The following DLX2 variants were observed in gnomAD, a reference collection of about 807,000 sequenced individuals.
DLX2 encodes homeobox protein DLX-2.
A neutral mutation model predicts 27.4 loss-of-function variants in DLX2; 8 were observed. The ratio of observed to expected loss-of-function variants is 0.29; its 90% CI spans 0.17 to 0.53. The LOEUF (loss-of-function observed/expected upper bound fraction) is 0.53, where lower values mean the gene tolerates loss of function less well. DLX2 is among the 20% of genes least tolerant of loss of function. The pLI is 0.96. For synonymous variants in DLX2, 210 were observed against 200.8 expected (o/e 1.05, Z -0.39); for missense variants, 421 against 450.9 (o/e 0.93, Z 0.60).
At chr2:172,101,746 G>A (rs1363630070) in intron 1 of DLX2, 100 bp from the exon 2 acceptor site, 11 of 1,317,278 alleles carry the variant, frequency 8.4e-6, no homozygotes, top group Non-Finnish European at 1.2e-5. Flanking sequence ...TGAGCAAAGA[G>A]GTGGGTGCAC....
chr2:172,101,229 A>G (rs1691151338), intron 2 of DLX2: 1 of 619,764 alleles, frequency 1.6e-6, no homozygotes, highest in African/African-American at 1.8e-5. Flanking sequence ...CTTAATCAGT[A>G]GCGAGAGGTA....
chr2:172,100,822 T>C lies in DLX2; in HGVS notation c.708A>G (p.Ser236=). 1 of 1,610,770 alleles carries C rather than the reference T, an allele frequency of 6.2e-7. No homozygotes were observed. The highest frequency in any genetic ancestry group is 8.5e-7 in the Non-Finnish European group (1 of 1,178,990). Reference sequence around the variant, plus strand: ...CACCAAAGTCCCAGGAGGCCGGCGCTGAGACTGGCGGCGAAGCACAAGGTG... The same window carrying C: ...CACCAAAGTCCCAGGAGGCCGGCGCCGAGACTGGCGGCGAAGCACAAGGTG... ...ASPPCASPPV[S]APASWDFGVP... is the part of the protein sequence containing the mutation. Residue 236 remains serine (S), a synonymous_variant, in exon 3 of 3, where the codon TCA becomes TCG. Transcript: ENST00000234198. The surrounding 1 kb of genome is among the most constrained non-coding windows in gnomAD (Gnocchi z 4.5).
rs1691132723 is a variant in DLX2, at chr2:172,100,552, C to T, written c.978G>A (p.Thr326=). ...GGGGAPVSAG[T]IF is the part of the protein sequence containing the mutation. ...CGAGTTCTCCCTGGGGTTAGAAAAT[C>T]GTCCCCGCGCTCACCGGGGCGCCCC... Residue 326 remains threonine (T), a synonymous_variant, in exon 3 of 3, where the codon ACG becomes ACA. Transcript: ENST00000234198. This position sits in a 1 kb window ranked among gnomAD's most constrained non-coding sequence, Gnocchi z 4.5. 3 of 1,573,384 alleles carry T rather than the reference C, an allele frequency of 1.9e-6. No individual in the cohort carries two copies. In the South Asian group the frequency reaches 3.5e-5, roughly 18 times the overall value.
chr2:172,100,512 G>A lies in DLX2; in HGVS notation c.*31C>T, dbSNP rs1303443094. On this transcript the variant is annotated 3_prime_UTR_variant, in exon 3 of 3. Coordinates refer to ENST00000234198, the MANE Select transcript of DLX2 (RefSeq NM_004405.4). The surrounding 1 kb of genome is among the most constrained non-coding windows in gnomAD (Gnocchi z 4.5). ...TAAGCAATGAGGATAAGTGGTCTCT[G>A]CTCTCAGTCTCTGGCGAGTTCTCCC... 2 of 1,528,262 alleles carry A rather than the reference G, an allele frequency of 1.3e-6. No individual in the cohort carries two copies. Among genetic ancestry groups the A allele is most frequent in the Admixed American group, 2.2e-5 (1 of 45,360 alleles). The allele number at this position is 1,528,262 out of a possible 1,614,324, so 94.7% of individuals were successfully genotyped here. A position where few individuals can be genotyped will look rare whatever the true frequency, so the allele number is the denominator to read the frequency against.
At position 172,102,704 on chromosome 2, in the gene DLX2, G is replaced by A; in HGVS notation, c.-166C>T. On this transcript the variant is annotated 5_prime_UTR_variant, in exon 1 of 3. Transcript: ENST00000234198. Reference sequence around the variant, plus strand: ...AGGCGCCTCCTCCTCCGGGGGAGGCGATCACCGTGCGCTGCTCGGGACAGC... The same window carrying A: ...AGGCGCCTCCTCCTCCGGGGGAGGCAATCACCGTGCGCTGCTCGGGACAGC... The A allele has an allele frequency of 1.5e-6, 1 of 658,894 alleles. No homozygotes were observed. The highest frequency in any genetic ancestry group is 2.5e-6 in the Non-Finnish European group (1 of 398,998). The allele number at this position is 658,894 out of a possible 1,614,324, so 40.8% of individuals were successfully genotyped here.
At chr2:172,101,067 G>A (rs975138259) in intron 2 of DLX2, 123 bp from the exon 3 acceptor site, 12 of 1,082,982 alleles carry the variant, frequency 1.1e-5, no homozygotes, top group Non-Finnish European at 1.6e-5. Flanking sequence ...GAGCGCCCTG[G>A]GGAGATAAGA....
Position 172,102,758 on chromosome 2 carries a change from C to T in DLX2, c.-220G>A, listed in dbSNP as rs1691189397. 8.1e-6 allele frequency: 3 copies of T among 370,308 alleles called. No individual in the cohort carries two copies. In the South Asian group the frequency reaches 1.1e-4, roughly 14 times the overall value. The allele number at this position is 370,308 out of a possible 1,614,324, so 22.9% of individuals were successfully genotyped here. On this transcript the variant is annotated 5_prime_UTR_variant, in exon 1 of 3. Transcript: ENST00000234198. ...CTCTGGTCGCATCCTCTTTCGGCCT[C>T]TGGGCCCGCTCGGCTCCTTGCCCAG...
In DLX2 at chr2:172,102,299, C is replaced by CCCGCCG. The variant is rs752884221; in HGVS notation, c.234_239dup (p.Gly80_Gly81dup). 5 of 1,609,026 alleles carry CCCGCCG rather than the reference C, an allele frequency of 3.1e-6. No homozygotes were observed. Among genetic ancestry groups the CCCGCCG allele is most frequent in the African/African-American group, 1.3e-5 (1 of 74,662 alleles). On this transcript the variant is annotated inframe_insertion, in exon 1 of 3. Transcript: ENST00000234198. ...AACCCATGTGCGCGTAGGGCGAGCC[C>CCCGCCG]CCGCCGCCGCCGCCGCCCGCCGGGT...
In DLX2 at chr2:172,100,676, T is replaced by A. The variant is rs1431814134; in HGVS notation, c.854A>T (p.Gln285Leu). The A allele has an allele frequency of 6.4e-7, 1 of 1,561,268 alleles. No homozygotes were observed. The change falls in exon 3 of 3, where the codon CAG (glutamine) becomes CTG (leucine). Residue 285 changes from glutamine to leucine, a missense_variant. Gln to Leu is a moderately radical substitution (Grantham distance 113). This residue lies in a region of DLX2 where 185 missense variants were observed against 171.1 expected (regional missense o/e 1.08). Coordinates refer to ENST00000234198, the MANE Select transcript of DLX2 (RefSeq NM_004405.4). This position sits in a 1 kb window ranked among gnomAD's most constrained non-coding sequence, Gnocchi z 4.5. Reference sequence around the variant, plus strand: ...CAGGTGTGAGGCGGATCCCGAGGTCTGGTGGTACCAGGGGTAGTTGCCCAG... The same window carrying A: ...CAGGTGTGAGGCGGATCCCGAGGTCAGGTGGTACCAGGGGTAGTTGCCCAG... Reference protein sequence around the residue: ...AFLGNYPWYHQTSGSASHLQA... With the variant: ...AFLGNYPWYHLTSGSASHLQA...
At position 172,100,405 on chromosome 2, in the gene DLX2, T is replaced by C. The variant is rs1691130637; in HGVS notation, c.*138A>G. ...GGTGGCCCCGGGAGTGAGCAGGGCC[T>C]GAGACGGGCCACTGCAGGTCGCAGC... On this transcript the variant is annotated 3_prime_UTR_variant, in exon 3 of 3. Coordinates refer to ENST00000234198, the MANE Select transcript of DLX2 (RefSeq NM_004405.4). This position sits in a 1 kb window ranked among gnomAD's most constrained non-coding sequence, Gnocchi z 4.5. 1 of 964,132 alleles carries C rather than the reference T, an allele frequency of 1.0e-6. No individual in the cohort carries two copies. Among genetic ancestry groups the C allele is most frequent in the Non-Finnish European group, 1.5e-6 (1 of 688,706 alleles). The allele number at this position is 964,132 out of a possible 1,614,324, so 59.7% of individuals were successfully genotyped here.
Position 172,100,882 on chromosome 2 carries a change from G to C in DLX2, c.648C>G (p.Ile216Met). The change falls in exon 3 of 3, where the codon ATC becomes ATG. Residue 216 changes from isoleucine (I) to methionine (M), a missense_variant. By Grantham distance (10) the Ile-to-Met change is conservative (BLOSUM62 1). Coordinates refer to ENST00000234198, the MANE Select transcript of DLX2 (RefSeq NM_004405.4). The surrounding 1 kb of genome is among the most constrained non-coding windows in gnomAD (Gnocchi z 4.5). ...TGGCCCCAGGGTGCTGCTCCGAGGG[G>C]ATCTCACCACTTTTCCACATCTTCT... ...KFKKMWKSGE[I>M]PSEQHPGASA... is the part of the protein sequence containing the mutation. 6.2e-7 allele frequency: 1 copy of C among 1,612,956 alleles called. No individual in the cohort carries two copies. Among genetic ancestry groups the C allele is most frequent in the Non-Finnish European group, 8.5e-7 (1 of 1,179,892 alleles).
At chr2:172,101,129 G>A in intron 2 of DLX2, 185 bp from the exon 3 acceptor site, 1 of 671,338 alleles carries the variant, frequency 1.5e-6, no homozygotes, top group Non-Finnish European at 2.5e-6. Context: ...TCCCTGGGGA[G>A]GTAATTGCCA....
Position 172,099,756 on chromosome 2 carries a change from C to G in DLX2, c.*787G>C, listed in dbSNP as rs992824427. 2 of 152,596 alleles carry G rather than the reference C, an allele frequency of 1.3e-5. No homozygotes were observed. The highest frequency in any genetic ancestry group is 4.8e-5 in the African/African-American group (2 of 41,456). The allele number at this position is 152,596 out of a possible 1,614,324, so 9.5% of individuals were successfully genotyped here. ...AAATCTGCACAGACACCTTTATTTA[C>G]AAACTCTGTGTCCAAGTCCAGGCTA... is the stretch of plus-strand genomic sequence containing the variant. On this transcript the variant is annotated 3_prime_UTR_variant, in exon 3 of 3. Transcript: ENST00000234198.
Position 172,102,275 on chromosome 2 carries a change from A to G in DLX2, c.264T>C (p.Gly88=), listed in dbSNP as rs1432495568. 1 of 1,613,600 alleles carries G rather than the reference A, an allele frequency of 6.2e-7. No homozygotes were observed. The change falls in exon 1 of 3, where the codon GGT becomes GGC. Residue 88 remains glycine, a synonymous_variant. Transcript: ENST00000234198. ...GGGGSPYAHM[G]SYQYQASGLN... is the part of the protein sequence containing the mutation. ...GGCCGCTGGCTTGGTACTGGTAGGA[A>G]CCCATGTGCGCGTAGGGCGAGCCCC... is the stretch of plus-strand genomic sequence containing the variant.
chr2:172,102,686 T>G lies in DLX2; in HGVS notation c.-148A>C. ...GAAAGGAGGCAACCGTCTAGGCGCC[T>G]CCTCCTCCGGGGGAGGCGATCACCG... On this transcript the variant is annotated 5_prime_UTR_variant, in exon 1 of 3. Coordinates refer to ENST00000234198, the MANE Select transcript of DLX2 (RefSeq NM_004405.4). The G allele has an allele frequency of 1.3e-6, 1 of 761,386 alleles. No individual in the cohort carries two copies. Among genetic ancestry groups the G allele is most frequent in the Admixed American group, 3.3e-5 (1 of 29,870 alleles). 47.2% of individuals were successfully genotyped at this position (761,386 alleles called of 1,614,324 possible).
rs1171574624 is a variant in DLX2, at chr2:172,102,364, A to G, written c.175T>C (p.Ser59Pro). 3 of 1,574,446 alleles carry G rather than the reference A, an allele frequency of 1.9e-6. No individual in the cohort carries two copies. The highest frequency in any genetic ancestry group is 1.1e-5 in the South Asian group (1 of 87,328). Residue 59 changes from serine (S) to proline (P), a missense_variant, in exon 1 of 3, where the codon TCC becomes CCC. This residue lies in a region of DLX2 where 6 missense variants were observed against 23.2 expected (regional missense o/e 0.26). Transcript: ENST00000234198. Reference protein sequence around the residue: ...KPQESPTLPVSTATDSSYYTN... With the variant: ...KPQESPTLPVPTATDSSYYTN... ...TAGTAGCTGCTGTCGGTGGCGGTGGACACCGGAAGGGTGGGCGACTCCTGG... is the reference window on the plus strand; with the variant it reads ...TAGTAGCTGCTGTCGGTGGCGGTGGGCACCGGAAGGGTGGGCGACTCCTGG...
chr2:172,102,192 T>A lies in DLX2; in HGVS notation c.347A>T (p.Tyr116Phe). 6.2e-7 allele frequency: 1 copy of A among 1,614,110 alleles called. No homozygotes were observed. The highest frequency in any genetic ancestry group is 8.5e-7 in the Non-Finnish European group (1 of 1,179,994). The change falls in exon 1 of 3, where the codon TAC (tyrosine) becomes TTC (phenylalanine). Residue 116 changes from tyrosine (Y) to phenylalanine (F), a missense_variant. Around this residue, in one of 5 missense-constraint regions of DLX2, gnomAD observed 141 missense variants for 123.5 expected, o/e 1.14. Coordinates refer to ENST00000234198, the MANE Select transcript of DLX2 (RefSeq NM_004405.4). ...GGTTCCATAGGGAGCGTAGGAGGTG[T>A]AGGCGGCGGTGTAGCCCAGGTCATA... ...SSYDLGYTAA[Y>F]TSYAPYGTSS...
At position 172,102,141 on chromosome 2, in the gene DLX2, G is replaced by T; in HGVS notation, c.398C>A (p.Pro133His). Residue 133 changes from proline (P) to histidine (H), a missense_variant and splice_region_variant, in exon 1 of 3, where the codon CCT (proline) becomes CAT (histidine). Transcript: ENST00000234198. ...CTTGACTTCAGCGTTATGCATACCA[G>T]GCTCGTTGTTGGCTGGGGACGAACT... is the stretch of plus-strand genomic sequence containing the variant. The part of the protein sequence containing the change: ...GTSSSPANNE[P>H]EKEDLEPEIR... 1 of 1,613,296 alleles carries T rather than the reference G, an allele frequency of 6.2e-7. No individual in the cohort carries two copies. The highest frequency in any genetic ancestry group is 1.1e-5 in the South Asian group (1 of 91,018).
rs1256603649 is a variant in DLX2 at position 172,102,648 on chromosome 2, G to A, written c.-110C>T. 9.4e-6 allele frequency: 11 copies of A among 1,169,634 alleles called. No individual in the cohort carries two copies. The highest frequency in any genetic ancestry group is 1.3e-5 in the Non-Finnish European group (11 of 850,766). The allele number at this position is 1,169,634 out of a possible 1,614,324, so 72.5% of individuals were successfully genotyped here. On this transcript the variant is annotated 5_prime_UTR_variant, in exon 1 of 3. Coordinates refer to ENST00000234198, the MANE Select transcript of DLX2 (RefSeq NM_004405.4). ...CAGCCAATGTAATTACGGGGGTGGT[G>A]GTGGGGAAACAAGAAAGGAGGCAAC...
Sources: allele counts gnomAD v4.1 joint callset, GRCh38; gene constraint gnomAD v4.1.1; regional missense constraint gnomAD v4.1.1; non-coding constraint Gnocchi (gnomAD v3.1); transcripts MANE v1.5; gene names NCBI Gene and HGNC (gene_info 2026-07-23, HGNC 2026-07-21).